The following SYT2 variants were observed in gnomAD, a reference collection of about 807,000 sequenced individuals.
The protein encoded by SYT2 is synaptotagmin 2.
Under a neutral mutation model 39.9 loss-of-function variants are expected in SYT2, and 15 were observed. That is an observed-to-expected ratio of 0.38 (90% CI 0.25 to 0.58). The LOEUF is 0.58. Ranked by LOEUF, SYT2 falls within the 20% of genes least tolerant of loss-of-function variation. The pLI is 0.70. For synonymous variants in SYT2, 181 were observed against 204.5 expected, an observed-to-expected ratio of 0.89 and a Z score of 0.98; for missense variants, 389 against 530.3, an observed-to-expected ratio of 0.73 and a Z score of 2.62.
intron 8 of SYT2, among the ~76,000 whole-genome samples, chr1:202,598,987 C>T (rs896732569): frequency 1.3e-5 from 2 of 152,166 alleles, no homozygotes; most frequent in Non-Finnish European, 1.5e-5. Context: ...AAGTCCTAAA[C>T]GAATGATTTG....
intron 1 of SYT2, among the ~76,000 whole-genome samples, chr1:202,624,174 A>T (rs1334028824): frequency 6.6e-6 from 1 of 151,252 alleles, no homozygotes; most frequent in Non-Finnish European, 1.5e-5. Context: ...GTGTGCATGT[A>T]TGTGGTGGGT....
At position 202,594,408 on chromosome 1, in the gene SYT2, G is replaced by A. The variant is rs1383716392; in HGVS notation, c.*2349C>T. 4 of 152,260 alleles carry A rather than the reference G, an allele frequency of 2.6e-5. No individual in the cohort carries two copies. Among genetic ancestry groups the A allele is most frequent in the African/African-American group, 9.7e-5 (4 of 41,438 alleles). The allele number at this position is 152,260 out of a possible 1,614,324, so 9.4% of individuals were successfully genotyped here. A position where few individuals can be genotyped will look rare whatever the true frequency, so the allele number is the denominator to read the frequency against. On this transcript the variant is annotated 3_prime_UTR_variant, in exon 9 of 9. Transcript: ENST00000367268. ...GAAGATGAATTGGGAAAGGGCAAAGGAGTAAAGGTAGAGGGGATATTGACA... is the reference window on the plus strand; with the variant it reads ...GAAGATGAATTGGGAAAGGGCAAAGAAGTAAAGGTAGAGGGGATATTGACA...
chr1:202,614,469 C>T lies in SYT2; in HGVS notation c.-17-8680G>A, dbSNP rs1690971492. 6.6e-6 allele frequency among the ~76,000 whole-genome samples: 1 copy of T among 152,228 alleles called. No homozygotes were observed. Among genetic ancestry groups the T allele is most frequent in the Non-Finnish European group, 1.5e-5 (1 of 68,050 alleles). ...AACAGATGTGAGAGACACATTCATT[C>T]ATTCACTCACTCACTCAAGTATTTA... On this transcript the variant is annotated intron_variant, in intron 1 of 8. Coordinates refer to ENST00000367268, the MANE Select transcript of SYT2 (RefSeq NM_177402.5). The surrounding 1 kb of genome is among the most constrained non-coding windows in gnomAD (Gnocchi z 4.0).
At chr1:202,619,441 G>A (rs1691144649) in intron 1 of SYT2, among the ~76,000 whole-genome samples, 1 of 152,218 alleles carries the variant, frequency 6.6e-6, no homozygotes. Flanking sequence ...GTAGGGGTCT[G>A]GGAGGCCCCA....
At chr1:202,633,233 C>G (rs775012420) in intron 1 of SYT2, among the ~76,000 whole-genome samples, 115 of 152,196 alleles carry the variant, frequency 7.6e-4, no homozygotes, top group Non-Finnish European at 8.8e-4. Context: ...TGGGCACCCA[C>G]TGGGTGCCCA....
intron 1 of SYT2, among the ~76,000 whole-genome samples, chr1:202,641,533 A>C (rs1691916886): frequency 1.3e-5 from 2 of 152,242 alleles, no homozygotes; most frequent in African/African-American, 2.4e-5. Flanking sequence ...ACTCGTCCGC[A>C]ACACCCTAAT....
chr1:202,674,268 AT>A (rs1392903995), intron 1 of SYT2, among the ~76,000 whole-genome samples: 1 of 151,990 alleles, frequency 6.6e-6, no homozygotes, highest in Non-Finnish European at 1.5e-5. Flanking sequence ...CGTGCAGCTA[AT>A]TTTTGTATTT....
rs111471511 is a variant in SYT2 at position 202,677,340 on chromosome 1, A to G, written c.-18+32918T>C. 4.6e-5 allele frequency among the ~76,000 whole-genome samples: 7 copies of G among 152,324 alleles called. 1 individual carries two copies. Among genetic ancestry groups the G allele is most frequent in the African/African-American group, 1.4e-4 (6 of 41,570 alleles). On this transcript the variant is annotated intron_variant, in intron 1 of 8. Transcript: ENST00000367268. Reference sequence around the variant, plus strand: ...GATGGATTTTGTTACTGCTTTGACCAGTAAATTATGGCAGAAGTGACGCTA... The same window carrying G: ...GATGGATTTTGTTACTGCTTTGACCGGTAAATTATGGCAGAAGTGACGCTA...
At chr1:202,643,662 C>T (rs1691999078) in intron 1 of SYT2, among the ~76,000 whole-genome samples, 1 of 152,344 alleles carries the variant, frequency 6.6e-6, no homozygotes, top group East Asian at 1.9e-4. Flanking sequence ...CTTCTCCAGT[C>T]CGGACTGCCA....
chr1:202,602,326 A>C, intron 5 of SYT2, 52 bp downstream of exon 5: 5 of 1,561,930 alleles, frequency 3.2e-6, no homozygotes, highest in Non-Finnish European at 3.5e-6. Context: ...AGAACTCAGC[A>C]GAGAATTGGG....
rs748823752 is a variant in SYT2, at chr1:202,686,695, G to A, written c.-18+23563C>T. ...AGTTCCCACCCTCTGTCATTCCTAC[G>A]TCATTGTCCCAAACAGGCCCCTGAT... On this transcript the variant is annotated intron_variant, in intron 1 of 8. Coordinates refer to ENST00000367268, the MANE Select transcript of SYT2 (RefSeq NM_177402.5). Among the ~76,000 whole-genome samples the A allele has an allele frequency of 2.1e-4, 32 of 152,056 alleles. No individual in the cohort carries two copies. In the South Asian group the frequency reaches 2.9e-3, roughly 14 times the overall value.
chr1:202,595,040 G>A lies in SYT2; in HGVS notation c.*1717C>T, dbSNP rs150270241. 1 of 152,450 alleles carries A rather than the reference G, an allele frequency of 6.6e-6. No individual in the cohort carries two copies. Among genetic ancestry groups the A allele is most frequent in the East Asian group, 1.9e-4 (1 of 5,178 alleles). The allele number at this position is 152,450 out of a possible 1,614,324, so 9.4% of individuals were successfully genotyped here. A position where few individuals can be genotyped will look rare whatever the true frequency, so the allele number is the denominator to read the frequency against. ...AGATGCTGCCATTTGTGCTGGGAAA[G>A]AGAGATACTCAGGCTTCTGGAGAAG... On this transcript the variant is annotated 3_prime_UTR_variant, in exon 9 of 9. Coordinates refer to ENST00000367268, the MANE Select transcript of SYT2 (RefSeq NM_177402.5).
chr1:202,703,406 G>A (rs1448264366), intron 1 of SYT2, among the ~76,000 whole-genome samples: 1 of 152,144 alleles, frequency 6.6e-6, no homozygotes, highest in Non-Finnish European at 1.5e-5. Context: ...AAGGGCGGGG[G>A]AAGGAACAAG....
chr1:202,677,503 G>T (rs1441443429), intron 1 of SYT2, among the ~76,000 whole-genome samples: 1 of 152,160 alleles, frequency 6.6e-6, no homozygotes, highest in Non-Finnish European at 1.5e-5. Context: ...AGAACAGAAA[G>T]CCCTGGCCCA....
chr1:202,640,790 G>GACAGAC (rs1558444001), intron 1 of SYT2, among the ~76,000 whole-genome samples: 18 of 120,084 alleles, frequency 1.5e-4, no homozygotes, highest in East Asian at 2.3e-4. Flanking sequence ...GAGAGAGAGA[G>GACAGAC]AGACAGACAG....
At chr1:202,673,068 T>C (rs1212172618) in intron 1 of SYT2, among the ~76,000 whole-genome samples, 1 of 152,106 alleles carries the variant, frequency 6.6e-6, no homozygotes, top group Non-Finnish European at 1.5e-5. Flanking sequence ...AATGAAAATA[T>C]TTTTCATTTC....
chr1:202,656,832 T>C (rs544911897), intron 1 of SYT2, among the ~76,000 whole-genome samples: 1 of 152,202 alleles, frequency 6.6e-6, no homozygotes, highest in Non-Finnish European at 1.5e-5. Context: ...CTTCCCACTG[T>C]TTGGACATCT....
At chr1:202,661,645 C>T (rs1043325645) in intron 1 of SYT2, among the ~76,000 whole-genome samples, 6 of 152,166 alleles carry the variant, frequency 3.9e-5, no homozygotes, top group African/African-American at 1.2e-4. Flanking sequence ...CCATCACTGG[C>T]CTGCCAACTC....
At chr1:202,640,492 G>A (rs1329931401) in intron 1 of SYT2, among the ~76,000 whole-genome samples, 1 of 151,994 alleles carries the variant, frequency 6.6e-6, no homozygotes, top group Non-Finnish European at 1.5e-5. Flanking sequence ...TTCCACCTGG[G>A]TGTAGACATG....
Sources: allele counts gnomAD v4.1 joint callset (sites outside exome capture counted in the v4.1 genomes callset), GRCh38; gene constraint gnomAD v4.1.1; non-coding constraint Gnocchi (gnomAD v3.1); transcripts MANE v1.5; gene names NCBI Gene and HGNC (gene_info 2026-07-23, HGNC 2026-07-21).